The following SUMF1 variants were observed in gnomAD, a reference collection of about 807,000 sequenced individuals.
SUMF1 encodes formylglycine-generating enzyme.
SUMF1 carries 48 observed loss-of-function variants against 47.6 expected under a neutral mutation model. That is an observed-to-expected ratio of 1.01 (90% CI 0.80 to 1.28). The LOEUF is 1.28. SUMF1 is among the 50% of genes most tolerant of loss of function. The pLI is 0.00. For missense variants in SUMF1, 571 were observed against 485.4 expected (o/e 1.18, Z -1.66); for synonymous variants, 230 against 192.1 (o/e 1.20, Z -1.63).
chr3:4,316,649 A>T, intron 8 of SUMF1: 1 of 1,551,226 alleles, frequency 6.4e-7, no homozygotes, highest in East Asian at 2.4e-5. Flanking sequence ...ACCACAACGA[A>T]CCATTTCTCG....
chr3:4,151,897 G>A (rs186186040), intron 8 of SUMF1, among the ~76,000 whole-genome samples: 1 of 151,386 alleles, frequency 6.6e-6, no homozygotes, highest in Non-Finnish European at 1.5e-5. Flanking sequence ...TGTAAGCATG[G>A]TAAATAGCCA....
chr3:4,420,837 G>A (rs1361533750), intron 3 of SUMF1, among the ~76,000 whole-genome samples: 4 of 152,184 alleles, frequency 2.6e-5, no homozygotes, highest in African/African-American at 9.7e-5. Context: ...GGTCAACCAT[G>A]GTGGTCAGAG....
Position 4,376,408 on chromosome 3 carries a change from G to C in SUMF1, c.955-19C>G, listed in dbSNP as rs1192246162. 2 of 1,613,898 alleles carry C rather than the reference G, an allele frequency of 1.2e-6. No homozygotes were observed. Among genetic ancestry groups the C allele is most frequent in the Admixed American group, 1.7e-5 (1 of 60,014 alleles). On this transcript the variant is annotated intron_variant, in intron 7 of 8. Coordinates refer to ENST00000272902, the MANE Select transcript of SUMF1 (RefSeq NM_182760.4). ...GACCTTTCTACAGATGAAGAAAAAA[G>C]GCTATGTTAGACCAGAAGGCAAAGC... is the stretch of plus-strand genomic sequence containing the variant.
chr3:4,183,635 A>G lies in SUMF1; in HGVS notation c.1015-114890T>C, dbSNP rs73806922. Reference sequence around the variant, plus strand: ...CTTCTTTGGCAGGATCTACACCTAAATAACTCATGATGTTAAAGACAAAAA... The same window carrying G: ...CTTCTTTGGCAGGATCTACACCTAAGTAACTCATGATGTTAAAGACAAAAA... On this transcript the variant is annotated intron_variant and NMD_transcript_variant, in intron 8 of 12. Coordinates refer to the SUMF1 transcript ENST00000448413. Among the ~76,000 whole-genome samples the G allele has an allele frequency of 4.2e-3, 637 of 152,294 alleles. 6 individuals are homozygous for G. Among genetic ancestry groups the G allele is most frequent in the African/African-American group, 0.015 (605 of 41,552 alleles).
intron 3 of SUMF1, among the ~76,000 whole-genome samples, chr3:4,447,965 G>C (rs1702838868): frequency 6.6e-6 from 1 of 151,950 alleles, no homozygotes; most frequent in African/African-American, 2.4e-5. Flanking sequence ...CCTGAACTCA[G>C]TATCTTAAAA....
At chr3:4,035,282 T>C (rs572489818) in intron 9 of SUMF1, among the ~76,000 whole-genome samples, 7 of 152,284 alleles carry the variant, frequency 4.6e-5, no homozygotes, top group South Asian at 2.1e-4. Context: ...AATCAAGTGT[T>C]GGTAGGGCTA....
At chr3:4,094,398 A>G (rs1338576460) in intron 8 of SUMF1, among the ~76,000 whole-genome samples, 1 of 152,198 alleles carries the variant, frequency 6.6e-6, no homozygotes, top group East Asian at 1.9e-4. Flanking sequence ...GTACCCAAGC[A>G]ACTATTAAGA....
At chr3:4,236,016 C>T (rs566005623) in intron 8 of SUMF1, among the ~76,000 whole-genome samples, 14 of 152,180 alleles carry the variant, frequency 9.2e-5, no homozygotes, top group African/African-American at 3.4e-4. Flanking sequence ...GATTTTGGCT[C>T]ACCATAACCT....
intron 8 of SUMF1, among the ~76,000 whole-genome samples, chr3:4,291,800 A>C (rs144257059): frequency 1.4e-3 from 214 of 152,340 alleles, no homozygotes; most frequent in African/African-American, 4.8e-3. Context: ...GATGTGGGCC[A>C]CATTTCCAAC....
intron 1 of SUMF1, among the ~76,000 whole-genome samples, chr3:4,464,367 T>C (rs957360149): frequency 6.6e-6 from 1 of 152,056 alleles, no homozygotes; most frequent in Non-Finnish European, 1.5e-5. Context: ...TCCTATAGTA[T>C]TCTCACTATA....
chr3:4,427,843 G>A (rs1702114504), intron 3 of SUMF1, among the ~76,000 whole-genome samples: 1 of 152,054 alleles, frequency 6.6e-6, no homozygotes, highest in Non-Finnish European at 1.5e-5. Flanking sequence ...TGCAAAAAAT[G>A]GCCCAAGGAA....
rs182566954 is a variant in SUMF1 at position 4,340,875 on chromosome 3, T to G, written c.1014+35455A>C. 1.2e-4 allele frequency among the ~76,000 whole-genome samples: 18 copies of G among 152,320 alleles called. No homozygotes were observed. In the East Asian group the frequency reaches 3.1e-3, roughly 26 times the overall value. On this transcript the variant is annotated intron_variant and NMD_transcript_variant, in intron 8 of 12. Transcript: ENST00000448413. ...CTACAGGGCTTTTACAACTTTTTTG[T>G]TTTTTTATTCCTGAAAGTATCAAGT...
chr3:4,042,384 T>G (rs1257293381), intron 9 of SUMF1, among the ~76,000 whole-genome samples: 1 of 152,066 alleles, frequency 6.6e-6, no homozygotes, highest in Non-Finnish European at 1.5e-5. Context: ...GCCACAGAAG[T>G]CCATGAAGAG....
chr3:4,172,672 T>G (rs559130636), intron 8 of SUMF1, among the ~76,000 whole-genome samples: 1 of 145,588 alleles, frequency 6.9e-6, no homozygotes, highest in East Asian at 2.0e-4. Context: ...TTATATCCTT[T>G]GCCCACTTTT....
chr3:4,106,418 T>C (rs981210906), intron 8 of SUMF1, among the ~76,000 whole-genome samples: 2 of 152,148 alleles, frequency 1.3e-5, no homozygotes, highest in Non-Finnish European at 2.9e-5. Flanking sequence ...AGTTTTCACA[T>C]ATACCCTTCA....
At chr3:4,059,860 CA>C (rs141493635) in intron 9 of SUMF1, among the ~76,000 whole-genome samples, 1,913 of 148,206 alleles carry the variant, frequency 0.013, 32 homozygotes, top group African/African-American at 0.036. Flanking sequence ...CAGGGCAAGA[CA>C]AGGGGTGATG....
chr3:4,124,454 A>G (rs1449125730), intron 8 of SUMF1, among the ~76,000 whole-genome samples: 2 of 152,154 alleles, frequency 1.3e-5, no homozygotes, highest in Non-Finnish European at 2.9e-5. Flanking sequence ...TTGCAAATGT[A>G]AAATTTTAAT....
chr3:4,381,068 A>T (rs1700488814), intron 7 of SUMF1, among the ~76,000 whole-genome samples: 1 of 152,222 alleles, frequency 6.6e-6, no homozygotes, highest in Admixed American at 6.5e-5. Flanking sequence ...CACTCTGTGT[A>T]GTCAAGAGAC....
chr3:4,330,266 T>G (rs1699023860), intron 8 of SUMF1, among the ~76,000 whole-genome samples: 1 of 152,192 alleles, frequency 6.6e-6, no homozygotes, highest in African/African-American at 2.4e-5. Flanking sequence ...TTGGGTATCT[T>G]TACAGCAGCA....
Sources: gnomAD v4.1 joint callset for allele counts (sites outside exome capture counted in the v4.1 genomes callset) on GRCh38, gnomAD v4.1.1 for gene constraint, MANE v1.5 for transcripts, NCBI Gene and HGNC (gene_info 2026-07-23, HGNC 2026-07-21) for gene names.